Variants in ALPK2 observed in about 807,000 individuals in gnomAD.
ALPK2 encodes alpha-protein kinase 2.
ALPK2 carries 127 observed loss-of-function variants against 163.1 expected under a neutral mutation model. The ratio of observed to expected loss-of-function variants is 0.78; its 90% confidence interval spans 0.67 to 0.90. The LOEUF (loss-of-function observed/expected upper bound fraction) is 0.90, where lower values mean the gene tolerates loss of function less well. ALPK2 is among the 40% of genes least tolerant of loss of function. The pLI is 0.00. For synonymous variants in ALPK2, 953 were observed against 959.1 expected (o/e 0.99, Z 0.12); for missense variants, 2,360 against 2,589.6 (o/e 0.91, Z 1.92).
At chr18:58,560,595 T>C (rs1340801503) in intron 4 of ALPK2, among the ~76,000 whole-genome samples, 5 of 152,218 alleles carry the variant, frequency 3.3e-5, no homozygotes. Flanking sequence ...AATTTCCCCA[T>C]GTCAGGGTTG....
intron 4 of ALPK2, among the ~76,000 whole-genome samples, chr18:58,554,119 C>G (rs1310021786): frequency 6.6e-6 from 1 of 152,118 alleles, no homozygotes; most frequent in Admixed American, 6.5e-5. Context: ...CTCGGCCTCC[C>G]AAAATGCTGG....
intron 5 of ALPK2, 99 bp downstream of exon 5, chr18:58,534,735 C>T: frequency 1.4e-6 from 2 of 1,443,764 alleles, no homozygotes; most frequent in African/African-American, 1.4e-5. Flanking sequence ...ACCTGGGGGA[C>T]ACTGGCCTTA....
chr18:58,589,085 C>G (rs1430931630), intron 3 of ALPK2, among the ~76,000 whole-genome samples: 1 of 152,086 alleles, frequency 6.6e-6, no homozygotes, highest in Non-Finnish European at 1.5e-5. Flanking sequence ...AGCTATTCAC[C>G]AAGGGAAGCC....
chr18:58,523,878 G>A (rs762921413), intron 7 of ALPK2, 37 bp from the exon 8 acceptor site: 22 of 1,614,222 alleles, frequency 1.4e-5, no homozygotes, highest in Non-Finnish European at 1.9e-5. Context: ...CTTCAGTACA[G>A]ATGTCCATTG....
intron 11 of ALPK2, among the ~76,000 whole-genome samples, chr18:58,500,672 C>T (rs1193750055): frequency 6.6e-6 from 1 of 152,122 alleles, no homozygotes; most frequent in African/African-American, 2.4e-5. Context: ...TGCCTGTAAT[C>T]CCGGCACTTT....
intron 2 of ALPK2, among the ~76,000 whole-genome samples, chr18:58,609,394 C>G (rs569720695): frequency 6.6e-6 from 1 of 152,164 alleles, no homozygotes; most frequent in Non-Finnish European, 1.5e-5. Context: ...TCTTGTCAAC[C>G]CTGTGTCCTC....
At chr18:58,591,065 A>T (rs1163180142) in intron 3 of ALPK2, among the ~76,000 whole-genome samples, 1 of 152,208 alleles carries the variant, frequency 6.6e-6, no homozygotes, top group Non-Finnish European at 1.5e-5. Flanking sequence ...AGCCTACCAG[A>T]GGTCCAGTTT....
At chr18:58,611,547 G>A in intron 2 of ALPK2, 142 bp downstream of exon 2, 1 of 716,984 alleles carries the variant, frequency 1.4e-6, no homozygotes, top group Non-Finnish European at 2.4e-6. Context: ...CATAGAGGAT[G>A]GAGTTGCTTC....
At chr18:58,578,038 T>C (rs1030691292) in intron 4 of ALPK2, 1 of 152,234 alleles carries the variant, frequency 6.6e-6, no homozygotes, top group Non-Finnish European at 1.5e-5. Context: ...ACTGAAAATA[T>C]CATTAAAAAT....
At position 58,578,733 on chromosome 18, in the gene ALPK2, G is replaced by GACACACACGCGCGCGCGCGC. The variant is rs908380706; in HGVS notation, c.1962+80_1962+81insGCGCGCGCGCGCGTGTGTGT. Reference sequence around the variant, plus strand: ...ATTGTGAATGTGAAGTAAAGGAAGAGACACACACACACACACACACACACA... The same window carrying GACACACACGCGCGCGCGCGC: ...ATTGTGAATGTGAAGTAAAGGAAGAGACACACACGCGCGCGCGCGCACACACACACACACACACACACACA... On this transcript the variant is annotated intron_variant, in intron 4 of 12. Transcript: ENST00000361673. 3.3e-4 allele frequency: 174 copies of GACACACACGCGCGCGCGCGC among 533,262 alleles called. 2 individuals are homozygous for GACACACACGCGCGCGCGCGC. The highest frequency in any genetic ancestry group is 6.1e-5 in the Non-Finnish European group (20 of 327,554). The allele number at this position is 533,262 out of a possible 1,614,324, so 33.0% of individuals were successfully genotyped here.
chr18:58,547,562 G>T (rs576025016), intron 4 of ALPK2, among the ~76,000 whole-genome samples: 1 of 152,322 alleles, frequency 6.6e-6, no homozygotes, highest in South Asian at 2.1e-4. Flanking sequence ...TACAGACCTA[G>T]TCCAAGCCAG....
At chr18:58,548,643 G>A (rs1027249790) in intron 4 of ALPK2, among the ~76,000 whole-genome samples, 1 of 152,074 alleles carries the variant, frequency 6.6e-6, no homozygotes, top group African/African-American at 2.4e-5. Flanking sequence ...TTGATTGGCA[G>A]AAAATAACCC....
At position 58,621,406 on chromosome 18, in the gene ALPK2, G is replaced by T. The variant is rs558808412; in HGVS notation, c.-21+7358C>A. Reference sequence around the variant, plus strand: ...TCTCCTGCCTCAGCCTCCCGAGCTCGAACTACAGGCGCCCGCCACAATGCC... The same window carrying T: ...TCTCCTGCCTCAGCCTCCCGAGCTCTAACTACAGGCGCCCGCCACAATGCC... On this transcript the variant is annotated intron_variant, in intron 1 of 12. Transcript: ENST00000361673. 5.9e-5 allele frequency among the ~76,000 whole-genome samples: 9 copies of T among 151,680 alleles called. No homozygotes were observed. In the East Asian group the frequency reaches 1.6e-3, roughly 26 times the overall value.
At chr18:58,513,062 T>C (rs982122028) in intron 10 of ALPK2, among the ~76,000 whole-genome samples, 1 of 138,554 alleles carries the variant, frequency 7.2e-6, no homozygotes, top group Admixed American at 7.2e-5. Flanking sequence ...TTTGTGCATA[T>C]GGTGAGTGTT....
chr18:58,485,384 G>C (rs2051333306), intron 12 of ALPK2, among the ~76,000 whole-genome samples: 1 of 152,122 alleles, frequency 6.6e-6, no homozygotes, highest in Non-Finnish European at 1.5e-5. Flanking sequence ...AAGCTCTTAA[G>C]GGCGTGAAAG....
chr18:58,545,466 G>A (rs1312479680), intron 4 of ALPK2, among the ~76,000 whole-genome samples: 4 of 152,218 alleles, frequency 2.6e-5, no homozygotes, highest in African/African-American at 9.6e-5. Context: ...AGCTCAAGGT[G>A]CTGGTCAAAA....
chr18:58,517,282 G>A (rs1201757408), intron 8 of ALPK2, 100 bp from the exon 9 acceptor site: 2 of 1,291,292 alleles, frequency 1.5e-6, no homozygotes, highest in Non-Finnish European at 2.1e-6. Context: ...CAATGACAAG[G>A]CTGACCTGCA....
intron 4 of ALPK2, among the ~76,000 whole-genome samples, chr18:58,549,962 G>T (rs945903665): frequency 1.6e-4 from 24 of 152,178 alleles, no homozygotes; most frequent in African/African-American, 5.3e-4. Context: ...GGACCTACGT[G>T]CCCCTCTCAC....
intron 5 of ALPK2, among the ~76,000 whole-genome samples, chr18:58,531,390 G>A (rs567406822): frequency 6.6e-4 from 101 of 152,126 alleles, no homozygotes; most frequent in African/African-American, 2.4e-3. Flanking sequence ...TGTCAGCCAA[G>A]GGGTCTGAAG....
Sources: gnomAD v4.1 joint callset for allele counts (sites outside exome capture counted in the v4.1 genomes callset) on GRCh38, gnomAD v4.1.1 for gene constraint, MANE v1.5 for transcripts, NCBI Gene and HGNC (gene_info 2026-07-23, HGNC 2026-07-21) for gene names.